Variants in BRINP1 observed in about 807,000 individuals in gnomAD.
The protein encoded by BRINP1 is BMP/retinoic acid-inducible neural-specific protein 1.
BRINP1 carries 17 observed loss-of-function variants against 72.9 expected under a neutral mutation model. That is an observed-to-expected ratio of 0.23 (90% confidence interval 0.16 to 0.35). BRINP1 has a LOEUF of 0.35. Ranked by LOEUF, BRINP1 falls within the 10% of genes least tolerant of loss-of-function variation. BRINP1 has a pLI of 1.00. For synonymous variants in BRINP1, 418 were observed against 378.5 expected, an observed-to-expected ratio of 1.10 and a Z score of -1.21; for missense variants, 850 against 1,001.6, an observed-to-expected ratio of 0.85 and a Z score of 2.04.
chr9:119,318,985 A>G (rs1380779098), intron 1 of BRINP1, among the ~76,000 whole-genome samples: 1 of 151,942 alleles, frequency 6.6e-6, no homozygotes, highest in Non-Finnish European at 1.5e-5. Flanking sequence ...CCCAGGGAAC[A>G]TCTTTGATCC....
intron 1 of BRINP1, among the ~76,000 whole-genome samples, chr9:119,364,531 C>A (rs1268290304): frequency 6.6e-6 from 1 of 152,184 alleles, no homozygotes; most frequent in Non-Finnish European, 1.5e-5. Context: ...TAATAACTCC[C>A]AGCTATTCCT....
At chr9:119,329,988 C>T (rs902108465) in intron 1 of BRINP1, among the ~76,000 whole-genome samples, 8 of 152,142 alleles carry the variant, frequency 5.3e-5, no homozygotes, top group African/African-American at 1.9e-4. Flanking sequence ...CCATAGGCCC[C>T]GAGCTGGGCT....
chr9:119,227,130 G>A (rs1479984272), intron 5 of BRINP1, among the ~76,000 whole-genome samples: 5 of 151,878 alleles, frequency 3.3e-5, no homozygotes, highest in African/African-American at 1.2e-4. Context: ...GAACCCTCTT[G>A]GTTTTTAGAT....
intron 2 of BRINP1, among the ~76,000 whole-genome samples, chr9:119,297,559 G>A (rs1830893282): frequency 6.6e-6 from 1 of 152,198 alleles, no homozygotes; most frequent in Non-Finnish European, 1.5e-5. Flanking sequence ...ACTTAATAGA[G>A]CTATATAAGC....
intron 1 of BRINP1, among the ~76,000 whole-genome samples, chr9:119,325,390 C>T (rs1453742938): frequency 2.6e-5 from 4 of 152,218 alleles, no homozygotes; most frequent in African/African-American, 9.6e-5. Flanking sequence ...TGGGACTTTT[C>T]CTTTTTCCTC....
At chr9:119,219,073 CCCT>C (rs1429166200) in intron 5 of BRINP1, among the ~76,000 whole-genome samples, 1 of 152,226 alleles carries the variant, frequency 6.6e-6, no homozygotes, top group South Asian at 2.1e-4. Flanking sequence ...AGCAGTCCCT[CCCT>C]CACCAGACAC....
intron 7 of BRINP1, among the ~76,000 whole-genome samples, chr9:119,200,076 G>T (rs1487895012): frequency 6.6e-6 from 1 of 152,138 alleles, no homozygotes; most frequent in African/African-American, 2.4e-5. Context: ...AACATATGTA[G>T]AAAGTACATA....
At chr9:119,296,709 G>A (rs1830882838) in intron 2 of BRINP1, among the ~76,000 whole-genome samples, 1 of 152,176 alleles carries the variant, frequency 6.6e-6, no homozygotes. Flanking sequence ...CCTGCCATTT[G>A]TAACATGTAT....
intron 2 of BRINP1, among the ~76,000 whole-genome samples, chr9:119,298,815 C>A (rs781354701): frequency 9.2e-5 from 14 of 152,162 alleles, no homozygotes; most frequent in Non-Finnish European, 1.2e-4. Context: ...GACCTCTAGG[C>A]CCACAACCCT....
chr9:119,279,792 G>T (rs765173775), intron 2 of BRINP1, among the ~76,000 whole-genome samples: 3 of 152,098 alleles, frequency 2.0e-5, no homozygotes, highest in African/African-American at 7.2e-5. Context: ...TGGAAATTGC[G>T]TTCATGCCAA....
chr9:119,297,518 C>G (rs1368873768), intron 2 of BRINP1, among the ~76,000 whole-genome samples: 1 of 152,210 alleles, frequency 6.6e-6, no homozygotes, highest in Non-Finnish European at 1.5e-5. Flanking sequence ...AAGGCTACAG[C>G]TGTCACAAGG....
chr9:119,341,027 C>G (rs571687850), intron 1 of BRINP1, among the ~76,000 whole-genome samples: 1 of 152,188 alleles, frequency 6.6e-6, no homozygotes, highest in Non-Finnish European at 1.5e-5. Context: ...GATAGCCAAG[C>G]ACAGCAACGG....
intron 2 of BRINP1, among the ~76,000 whole-genome samples, chr9:119,263,467 C>A (rs1002018716): frequency 6.6e-6 from 1 of 152,092 alleles, no homozygotes; most frequent in Non-Finnish European, 1.5e-5. Context: ...CTCAGGCTCC[C>A]CCAGGCCAGC....
chr9:119,207,792 G>A (rs1829873799), intron 7 of BRINP1, among the ~76,000 whole-genome samples: 1 of 152,094 alleles, frequency 6.6e-6, no homozygotes, highest in Non-Finnish European at 1.5e-5. Context: ...TTTTAAGAGT[G>A]GATCTTTTTC....
intron 5 of BRINP1, among the ~76,000 whole-genome samples, chr9:119,223,521 A>C (rs745513387): frequency 3.9e-5 from 6 of 152,064 alleles, no homozygotes; most frequent in Non-Finnish European, 7.4e-5. Context: ...GGACACTTAC[A>C]GTATCATATG....
intron 1 of BRINP1, among the ~76,000 whole-genome samples, chr9:119,357,168 G>A (rs530610205): frequency 1.3e-3 from 200 of 152,244 alleles, no homozygotes; most frequent in Admixed American, 3.8e-3. Context: ...ATCTGCTTTG[G>A]ACATTTTCTG....
chr9:119,257,862 G>A (rs980240090), intron 2 of BRINP1, among the ~76,000 whole-genome samples: 1 of 152,116 alleles, frequency 6.6e-6, no homozygotes, highest in Non-Finnish European at 1.5e-5. Context: ...GAGGGTGTCA[G>A]CTCCAAATCC....
intron 1 of BRINP1, among the ~76,000 whole-genome samples, chr9:119,313,840 C>A (rs960191286): frequency 6.6e-6 from 1 of 152,176 alleles, no homozygotes; most frequent in Non-Finnish European, 1.5e-5. Flanking sequence ...CATAGGGACA[C>A]AATTCAAGTG....
chr9:119,223,690 G>A (rs1172012633), intron 5 of BRINP1, among the ~76,000 whole-genome samples: 1 of 152,080 alleles, frequency 6.6e-6, no homozygotes, highest in Admixed American at 6.6e-5. Context: ...AGAGAGGACT[G>A]TGGTTCTGTC....
Sources: gnomAD v4.1 joint callset for allele counts (sites outside exome capture counted in the v4.1 genomes callset) on GRCh38, gnomAD v4.1.1 for gene constraint, MANE v1.5 for transcripts, NCBI Gene and HGNC (gene_info 2026-07-23, HGNC 2026-07-21) for gene names.